The following NMNAT2 variants were observed in gnomAD, a reference collection of about 807,000 sequenced individuals.
NMNAT2 encodes the protein nicotinamide/nicotinic acid mononucleotide adenylyltransferase 2.
NMNAT2 carries 11 observed loss-of-function variants against 41.6 expected under a neutral mutation model. That is an observed-to-expected ratio of 0.26 (90% CI 0.17 to 0.44). The LOEUF (loss-of-function observed/expected upper bound fraction) is 0.44. Among genes scored for constraint, NMNAT2 ranks in the 20% least tolerant of loss-of-function variants. The probability of loss-of-function intolerance (pLI) is 1.00; values close to 1 mark genes in which losing one functional copy is unlikely to be tolerated. For missense variants in NMNAT2, 288 were observed against 407.7 expected, an observed-to-expected ratio of 0.71 and a Z score of 2.53; for synonymous variants, 148 against 151.2, an observed-to-expected ratio of 0.98 and a Z score of 0.16.
chr1:183,368,474 G>C (rs1205849374), intron 1 of NMNAT2, among the ~76,000 whole-genome samples: 1 of 152,162 alleles, frequency 6.6e-6, no homozygotes, highest in Non-Finnish European at 1.5e-5. Context: ...AAATGCCATT[G>C]ATCTGAACAG....
intron 1 of NMNAT2, among the ~76,000 whole-genome samples, chr1:183,306,328 G>T (rs1473938104): frequency 6.6e-6 from 1 of 152,134 alleles, no homozygotes; most frequent in East Asian, 1.9e-4. Context: ...AAAGGCAAAA[G>T]AATGGATTTT....
At chr1:183,324,437 G>A in intron 1 of NMNAT2, among the ~76,000 whole-genome samples, 1 of 152,128 alleles carries the variant, frequency 6.6e-6, no homozygotes, top group South Asian at 2.1e-4. Flanking sequence ...TCCCACTTGT[G>A]ACAAGTAAAT....
chr1:183,290,754 C>T (rs992753310), intron 3 of NMNAT2: 1 of 152,348 alleles, frequency 6.6e-6, no homozygotes, highest in African/African-American at 2.4e-5. Context: ...AATCAGTCTT[C>T]CCTGCCTCCC....
chr1:183,258,407 A>T (rs1194137036), intron 10 of NMNAT2, among the ~76,000 whole-genome samples: 1 of 152,192 alleles, frequency 6.6e-6, no homozygotes, highest in Admixed American at 6.5e-5. Context: ...GCAGTGAAAG[A>T]GATCTAACTT....
At chr1:183,266,119 T>C (rs1660808180) in intron 8 of NMNAT2, among the ~76,000 whole-genome samples, 1 of 152,164 alleles carries the variant, frequency 6.6e-6, no homozygotes, top group Non-Finnish European at 1.5e-5. Context: ...CAACTTGGTT[T>C]GGGCCCAATA....
chr1:183,321,293 A>G (rs1662351915), intron 1 of NMNAT2, among the ~76,000 whole-genome samples: 1 of 152,204 alleles, frequency 6.6e-6, no homozygotes, highest in Non-Finnish European at 1.5e-5. Flanking sequence ...AGCCCAAACC[A>G]TATACATAAT....
At chr1:183,308,260 C>A (rs771305508) in intron 1 of NMNAT2, among the ~76,000 whole-genome samples, 1 of 152,162 alleles carries the variant, frequency 6.6e-6, no homozygotes, top group Admixed American at 6.5e-5. Flanking sequence ...AAATAAGATA[C>A]CACTGTGTAT....
At chr1:183,333,632 G>A (rs1662627945) in intron 1 of NMNAT2, among the ~76,000 whole-genome samples, 1 of 147,736 alleles carries the variant, frequency 6.8e-6, no homozygotes, top group Non-Finnish European at 1.5e-5. Context: ...AATTTGTTTT[G>A]GACTTCTGGC....
intron 1 of NMNAT2, among the ~76,000 whole-genome samples, chr1:183,379,092 A>ATCTATATCTATATCTATATCTAT (rs142685154): frequency 0.014 from 1,648 of 115,218 alleles, 16 homozygotes; most frequent in Non-Finnish European, 0.02. Flanking sequence ...CTATATCTAT[A>ATCTATATCTATATCTATATCTAT]ATCTATAATC....
At chr1:183,367,271 C>A (rs2102363382) in intron 1 of NMNAT2, among the ~76,000 whole-genome samples, 1 of 152,200 alleles carries the variant, frequency 6.6e-6, no homozygotes, top group South Asian at 2.1e-4. Flanking sequence ...CCAGCCTGAC[C>A]AACATGGAGA....
chr1:183,336,405 T>C (rs534071794), intron 1 of NMNAT2, among the ~76,000 whole-genome samples: 1 of 152,320 alleles, frequency 6.6e-6, no homozygotes, highest in African/African-American at 2.4e-5. Context: ...AAAACCAATA[T>C]GTGTTAAAAC....
At chr1:183,280,386 C>T (rs1477379433) in intron 7 of NMNAT2, among the ~76,000 whole-genome samples, 1 of 149,424 alleles carries the variant, frequency 6.7e-6, no homozygotes, top group Non-Finnish European at 1.5e-5. Context: ...CGTAAACTTC[C>T]TTTTTTTTTT....
intron 1 of NMNAT2, among the ~76,000 whole-genome samples, chr1:183,321,970 C>T (rs1177926955): frequency 4.6e-5 from 7 of 152,026 alleles, no homozygotes; most frequent in Admixed American, 4.6e-4. Flanking sequence ...AGGCATGTTC[C>T]ACCACATTTG....
In NMNAT2 at chr1:183,250,189, G is replaced by A. The variant is rs1330458603; in HGVS notation, c.*2452C>T. 2 of 152,168 alleles carry A rather than the reference G, an allele frequency of 1.3e-5. No homozygotes were observed. The highest frequency in any genetic ancestry group is 2.9e-5 in the Non-Finnish European group (2 of 68,072). 9.4% of individuals were successfully genotyped at this position (152,168 alleles called of 1,614,324 possible). ...TTGTTTCATTTCCTGGCTTATGACT[G>A]TTCTGCCTGGACAAGGCTGTTCCAT... On this transcript the variant is annotated 3_prime_UTR_variant, in exon 11 of 11. Coordinates refer to ENST00000287713, the MANE Select transcript of NMNAT2 (RefSeq NM_015039.4).
At chr1:183,258,797 A>G (rs1336212461) in intron 10 of NMNAT2, among the ~76,000 whole-genome samples, 1 of 151,902 alleles carries the variant, frequency 6.6e-6, no homozygotes, top group Admixed American at 6.6e-5. Context: ...CCCCCCACCC[A>G]GGAACTGACT....
At chr1:183,363,212 C>T (rs940959091) in intron 1 of NMNAT2, among the ~76,000 whole-genome samples, 3 of 152,188 alleles carry the variant, frequency 2.0e-5, no homozygotes, top group African/African-American at 7.2e-5. Context: ...ACAGGCTTAC[C>T]TGTACTTGAC....
At chr1:183,413,227 C>T (rs1000643838) in intron 1 of NMNAT2, among the ~76,000 whole-genome samples, 1 of 152,152 alleles carries the variant, frequency 6.6e-6, no homozygotes, top group African/African-American at 2.4e-5. Flanking sequence ...CATGGAGACA[C>T]TGGAAGATGT....
intron 7 of NMNAT2, among the ~76,000 whole-genome samples, chr1:183,279,838 C>G (rs560719647): frequency 3.9e-5 from 6 of 152,336 alleles, no homozygotes; most frequent in Middle Eastern, 3.4e-3. Flanking sequence ...GTCTTCTCTC[C>G]TCTCTAACAT....
chr1:183,326,537 A>G (rs1423827738), intron 1 of NMNAT2, among the ~76,000 whole-genome samples: 3 of 152,188 alleles, frequency 2.0e-5, no homozygotes. Flanking sequence ...ATATGGAGAC[A>G]GCAGCATGTG....
Sources: gnomAD v4.1 joint callset for allele counts (sites outside exome capture counted in the v4.1 genomes callset) on GRCh38, gnomAD v4.1.1 for gene constraint, MANE v1.5 for transcripts, NCBI Gene and HGNC (gene_info 2026-07-23, HGNC 2026-07-21) for gene names.